The following ROBO2 variants were observed in gnomAD, a reference collection of about 807,000 sequenced individuals.
ROBO2 encodes roundabout homolog 2.
In ROBO2, 53 loss-of-function variants were observed where a neutral mutation model predicts 160.8. That is an observed-to-expected ratio of 0.33 (90% CI 0.26 to 0.41). ROBO2 has a LOEUF of 0.41. Ranked by LOEUF, ROBO2 falls within the 10% of genes least tolerant of loss-of-function variation. The pLI is 1.00. For synonymous variants in ROBO2, 664 were observed against 611.7 expected, an observed-to-expected ratio of 1.09 and a Z score of -1.26; for missense variants, 1,577 against 1,722.4, an observed-to-expected ratio of 0.92 and a Z score of 1.49.
intron 2 of ROBO2, among the ~76,000 whole-genome samples, chr3:76,102,010 T>C (rs2069712375): frequency 6.8e-6 from 1 of 147,958 alleles, no homozygotes; most frequent in Non-Finnish European, 1.5e-5. Flanking sequence ...TGTGTTCCCA[T>C]TGTACCCCGG....
chr3:77,394,936 AT>A (rs1363948232), intron 2 of ROBO2, among the ~76,000 whole-genome samples: 3 of 152,200 alleles, frequency 2.0e-5, no homozygotes, highest in African/African-American at 7.2e-5. Context: ...ATATAGAATT[AT>A]TTTAAGATCC....
At chr3:77,196,950 A>G (rs2082363314) in intron 2 of ROBO2, among the ~76,000 whole-genome samples, 1 of 151,830 alleles carries the variant, frequency 6.6e-6, no homozygotes, top group Non-Finnish European at 1.5e-5. Flanking sequence ...AAAAAAAAGG[A>G]GACCTAATGA....
intron 2 of ROBO2, among the ~76,000 whole-genome samples, chr3:76,349,443 C>G (rs996153807): frequency 5.3e-5 from 8 of 152,060 alleles, no homozygotes; most frequent in African/African-American, 1.9e-4. Context: ...ACCATTACCC[C>G]CATCTTACTG....
chr3:76,024,750 T>C (rs1037389028), intron 2 of ROBO2, among the ~76,000 whole-genome samples: 1 of 151,596 alleles, frequency 6.6e-6, no homozygotes, highest in African/African-American at 2.4e-5. Context: ...GATAGCTCGG[T>C]TGGAAATGTA....
intron 1 of ROBO2, among the ~76,000 whole-genome samples, chr3:77,083,285 C>T (rs560849888): frequency 2.6e-5 from 4 of 152,178 alleles, no homozygotes; most frequent in Admixed American, 1.3e-4. Context: ...TGTACTTCAT[C>T]GTAACACTCA....
intron 2 of ROBO2, among the ~76,000 whole-genome samples, chr3:77,023,340 C>T (rs1197059101): frequency 1.3e-5 from 2 of 152,022 alleles, no homozygotes; most frequent in Non-Finnish European, 2.9e-5. Context: ...TTTTTTTCTT[C>T]CCAGTCTTGG....
chr3:76,668,604 T>C (rs915507299), intron 2 of ROBO2, among the ~76,000 whole-genome samples: 1 of 152,228 alleles, frequency 6.6e-6, no homozygotes, highest in Non-Finnish European at 1.5e-5. Context: ...CACCCAAAGT[T>C]TGAAATAAGA....
At chr3:76,687,351 T>C (rs959384283) in intron 2 of ROBO2, among the ~76,000 whole-genome samples, 1 of 152,010 alleles carries the variant, frequency 6.6e-6, no homozygotes, top group Admixed American at 6.6e-5. Context: ...TGAGTTAATA[T>C]ATATAGAGAG....
In ROBO2 at chr3:77,221,648, T is replaced by C. The variant is rs182371335; in HGVS notation, c.388+123308T>C. On this transcript the variant is annotated intron_variant, in intron 2 of 25. Transcript: ENST00000461745. ...CAAATGAAAATAACTCAATGACTAT[T>C]CTACGTCAAGTGCCCATCCATTCAC... Among the ~76,000 whole-genome samples the C allele has an allele frequency of 3.9e-3, 596 of 152,260 alleles. 1 individual carries two copies. Among genetic ancestry groups the C allele is most frequent in the African/African-American group, 0.012 (481 of 41,540 alleles).
chr3:76,797,137 A>G (rs1473124706), intron 2 of ROBO2, among the ~76,000 whole-genome samples: 1 of 152,184 alleles, frequency 6.6e-6, no homozygotes, highest in East Asian at 1.9e-4. Flanking sequence ...CAATGGCTGC[A>G]GAATACACAT....
intron 2 of ROBO2, among the ~76,000 whole-genome samples, chr3:76,011,458 A>C: frequency 6.6e-6 from 1 of 152,314 alleles, no homozygotes; most frequent in Non-Finnish European, 1.5e-5. Context: ...TGGTTGGTTT[A>C]GATGGGAATC....
intron 23 of ROBO2, chr3:77,633,884 C>T: frequency 6.6e-6 from 1 of 152,180 alleles, no homozygotes; most frequent in East Asian, 1.9e-4. Context: ...TGCAAGGAAA[C>T]TAATACATTA....
intron 2 of ROBO2, among the ~76,000 whole-genome samples, chr3:77,215,720 A>T (rs568782239): frequency 6.6e-6 from 1 of 152,004 alleles, no homozygotes; most frequent in Non-Finnish European, 1.5e-5. Context: ...TTTATCTACC[A>T]TTGGTCTTTG....
intron 2 of ROBO2, among the ~76,000 whole-genome samples, chr3:77,436,793 C>A (rs1219728643): frequency 6.6e-6 from 1 of 151,610 alleles, no homozygotes; most frequent in Non-Finnish European, 1.5e-5. Flanking sequence ...TTTTTAAAAC[C>A]AATTTGAAGT....
At chr3:75,948,086 G>A (rs1241783844) in intron 2 of ROBO2, among the ~76,000 whole-genome samples, 4 of 152,028 alleles carry the variant, frequency 2.6e-5, no homozygotes, top group Non-Finnish European at 5.9e-5. Flanking sequence ...GAAGGCCCCA[G>A]GTAGCCTTGG....
At chr3:77,058,262 A>T (rs1214788239) in intron 1 of ROBO2, among the ~76,000 whole-genome samples, 1 of 152,204 alleles carries the variant, frequency 6.6e-6, no homozygotes, top group Non-Finnish European at 1.5e-5. Context: ...TGAGACAAAA[A>T]ATGGAAATTG....
At chr3:76,124,905 A>C (rs1384488886) in intron 2 of ROBO2, among the ~76,000 whole-genome samples, 1 of 152,130 alleles carries the variant, frequency 6.6e-6, no homozygotes, top group Admixed American at 6.6e-5. Context: ...TTACATGGGA[A>C]TATTCTGTGA....
intron 2 of ROBO2, among the ~76,000 whole-genome samples, chr3:75,971,893 C>A (rs1004151037): frequency 6.6e-6 from 1 of 151,484 alleles, no homozygotes; most frequent in Non-Finnish European, 1.5e-5. Flanking sequence ...CAGAGTTCCA[C>A]CTATCCAAAG....
intron 2 of ROBO2, among the ~76,000 whole-genome samples, chr3:76,042,646 G>GCCAGGCCCAAAA (rs1264267846): frequency 6.6e-6 from 1 of 151,960 alleles, no homozygotes; most frequent in African/African-American, 2.4e-5. Flanking sequence ...GCAGCCCGGT[G>GCCAGGCCCAAAA]CCAGGCCCAA....
Sources: gnomAD v4.1 joint callset for allele counts (sites outside exome capture counted in the v4.1 genomes callset) on GRCh38, gnomAD v4.1.1 for gene constraint, MANE v1.5 for transcripts, NCBI Gene and HGNC (gene_info 2026-07-23, HGNC 2026-07-21) for gene names.